The following ASTN2 variants were observed in gnomAD, a reference collection of about 807,000 sequenced individuals.
The protein encoded by ASTN2 is astrotactin-2.
A neutral mutation model predicts 139.8 loss-of-function variants in ASTN2; 54 were observed. That is an observed-to-expected ratio of 0.39 (90% CI 0.31 to 0.48). The LOEUF is 0.48. Ranked by LOEUF, ASTN2 falls within the 20% of genes least tolerant of loss-of-function variation. The probability of loss-of-function intolerance (pLI) is 0.95; values close to 1 mark genes in which losing one functional copy is unlikely to be tolerated. For missense variants in ASTN2, 1,565 were observed against 1,725.1 expected (o/e 0.91, Z 1.64); for synonymous variants, 756 against 719.5 (o/e 1.05, Z -0.81).
chr9:116,520,007 A>G (rs1850801512), intron 19 of ASTN2, among the ~76,000 whole-genome samples: 1 of 152,066 alleles, frequency 6.6e-6, no homozygotes, highest in Non-Finnish European at 1.5e-5. Flanking sequence ...GATTGAAATA[A>G]TAATTTAAAA....
chr9:116,451,356 G>A (rs1407407333), intron 20 of ASTN2, among the ~76,000 whole-genome samples: 4 of 152,126 alleles, frequency 2.6e-5, no homozygotes, highest in African/African-American at 7.2e-5. Context: ...CCTGAGGAGT[G>A]AGTAATTATC....
At chr9:117,164,244 T>C (rs1182415628) in intron 3 of ASTN2, among the ~76,000 whole-genome samples, 1 of 152,058 alleles carries the variant, frequency 6.6e-6, no homozygotes, top group Admixed American at 6.6e-5. Context: ...GAGAACAACA[T>C]TGAGACAAGG....
At chr9:116,846,339 TTA>T (rs1832430337) in intron 11 of ASTN2, among the ~76,000 whole-genome samples, 1 of 152,314 alleles carries the variant, frequency 6.6e-6, no homozygotes, top group Non-Finnish European at 1.5e-5. Flanking sequence ...GAGATAAATT[TTA>T]TGTTATGCAT....
chr9:116,624,843 C>T (rs142798099), intron 17 of ASTN2, among the ~76,000 whole-genome samples: 36 of 151,162 alleles, frequency 2.4e-4, no homozygotes, highest in Admixed American at 1.7e-3. Context: ...ACAAATGAAG[C>T]GGGAAAAGGC....
At chr9:116,549,578 T>A (rs1852252762) in intron 19 of ASTN2, among the ~76,000 whole-genome samples, 1 of 152,212 alleles carries the variant, frequency 6.6e-6, no homozygotes, top group Non-Finnish European at 1.5e-5. Flanking sequence ...GGAGGCAGGA[T>A]AGATGCTCTT....
chr9:117,304,221 T>C (rs759512546), intron 1 of ASTN2, among the ~76,000 whole-genome samples: 24 of 152,168 alleles, frequency 1.6e-4, no homozygotes, highest in Non-Finnish European at 1.6e-4. Context: ...TTTGGGGTGT[T>C]TGTTACACAG....
At chr9:116,998,496 T>A (rs1460538374) in intron 7 of ASTN2, among the ~76,000 whole-genome samples, 2 of 151,756 alleles carry the variant, frequency 1.3e-5, no homozygotes, top group Non-Finnish European at 2.9e-5. Context: ...ACAAGAAGCC[T>A]ACACCTTACT....
At chr9:116,633,893 G>A (rs925599754) in intron 17 of ASTN2, among the ~76,000 whole-genome samples, 3 of 152,106 alleles carry the variant, frequency 2.0e-5, no homozygotes, top group African/African-American at 7.2e-5. Flanking sequence ...GCTTGGAAGT[G>A]GTAGATTCTT....
At chr9:116,591,410 C>G (rs919046532) in intron 19 of ASTN2, among the ~76,000 whole-genome samples, 1 of 152,244 alleles carries the variant, frequency 6.6e-6, no homozygotes, top group African/African-American at 2.4e-5. Flanking sequence ...TCACACACCC[C>G]TCACCACTCC....
intron 2 of ASTN2, among the ~76,000 whole-genome samples, chr9:117,286,024 T>C (rs944552862): frequency 6.6e-6 from 1 of 152,204 alleles, no homozygotes; most frequent in African/African-American, 2.4e-5. Context: ...TTCTATCTAG[T>C]AACTCTTGTG....
At chr9:116,880,599 T>C (rs770090648) in intron 10 of ASTN2, among the ~76,000 whole-genome samples, 2 of 152,124 alleles carry the variant, frequency 1.3e-5, no homozygotes, top group African/African-American at 4.8e-5. Flanking sequence ...TGTGAACAAG[T>C]TGTGGTAATG....
intron 19 of ASTN2, among the ~76,000 whole-genome samples, chr9:116,605,913 C>G (rs1855169753): frequency 6.6e-6 from 1 of 152,134 alleles, no homozygotes; most frequent in African/African-American, 2.4e-5. Context: ...AGCCCTAGTT[C>G]TAGCTCTGGC....
At chr9:116,455,476 A>AT (rs1848306604) in intron 20 of ASTN2, among the ~76,000 whole-genome samples, 1 of 152,138 alleles carries the variant, frequency 6.6e-6, no homozygotes, top group Non-Finnish European at 1.5e-5. Context: ...AGATTATTAA[A>AT]TTTTCAGTTT....
At chr9:116,997,770 T>C (rs1837066926) in intron 7 of ASTN2, among the ~76,000 whole-genome samples, 1 of 152,218 alleles carries the variant, frequency 6.6e-6, no homozygotes, top group Non-Finnish European at 1.5e-5. Flanking sequence ...TAACTGAGAA[T>C]AGCTATATAA....
chr9:116,570,066 C>T (rs530566565), intron 19 of ASTN2, among the ~76,000 whole-genome samples: 39 of 152,264 alleles, frequency 2.6e-4, no homozygotes, highest in Admixed American at 6.5e-4. Context: ...TTACTCGGTT[C>T]GAATCTGGGC....
intron 13 of ASTN2, among the ~76,000 whole-genome samples, chr9:116,780,387 C>T (rs563490747): frequency 7.2e-4 from 109 of 152,276 alleles, no homozygotes; most frequent in Non-Finnish European, 1.1e-3. Flanking sequence ...TAAGTCTAGG[C>T]GTTCTCATTC....
At chr9:116,707,718 A>C (rs1828030776) in intron 16 of ASTN2, among the ~76,000 whole-genome samples, 1 of 152,172 alleles carries the variant, frequency 6.6e-6, no homozygotes, top group South Asian at 2.1e-4. Context: ...TACCTCTACA[A>C]CCTAGGTTCC....
chr9:116,572,092 A>G (rs1361355554), intron 19 of ASTN2, among the ~76,000 whole-genome samples: 1 of 152,014 alleles, frequency 6.6e-6, no homozygotes, highest in Non-Finnish European at 1.5e-5. Flanking sequence ...TGTAGGTACA[A>G]CTGCATATTC....
chr9:117,012,605 AT>A (rs775153286), intron 6 of ASTN2, among the ~76,000 whole-genome samples: 5 of 152,178 alleles, frequency 3.3e-5, no homozygotes, highest in Admixed American at 6.5e-5. Flanking sequence ...AAATATAGGC[AT>A]TGTCTTTGGA....
Sources: gnomAD v4.1 joint callset for allele counts (sites outside exome capture counted in the v4.1 genomes callset) on GRCh38, gnomAD v4.1.1 for gene constraint, MANE v1.5 for transcripts, NCBI Gene and HGNC (gene_info 2026-07-23, HGNC 2026-07-21) for gene names.